DLGAP2: variants seen among roughly 807,000 people sequenced by gnomAD.
DLGAP2 encodes the protein disks large-associated protein 2.
DLGAP2 carries 26 observed loss-of-function variants against 100.3 expected under a neutral mutation model. The observed-to-expected ratio is 0.26, with a 90% confidence interval of 0.19 to 0.36. The LOEUF (loss-of-function observed/expected upper bound fraction) is 0.36. Among genes scored for constraint, DLGAP2 ranks in the 10% least tolerant of loss-of-function variants. DLGAP2 has a pLI of 1.00. For synonymous variants in DLGAP2, 886 were observed against 630.1 expected, an observed-to-expected ratio of 1.41 and a Z score of -6.08; for missense variants, 1,858 against 1,453.2, an observed-to-expected ratio of 1.28 and a Z score of -4.53.
intron 1 of DLGAP2, among the ~76,000 whole-genome samples, chr8:768,026 A>C (rs970571913): frequency 2.0e-5 from 3 of 152,222 alleles, no homozygotes; most frequent in African/African-American, 2.4e-5. Context: ...GACATGGTGG[A>C]GTGAAGGAAG....
chr8:1,695,325 C>T (rs1386830743), intron 13 of DLGAP2, among the ~76,000 whole-genome samples: 1 of 142,784 alleles, frequency 7.0e-6, no homozygotes, highest in African/African-American at 2.8e-5. Flanking sequence ...AAAGGGGGCA[C>T]AGCCATGCCC....
intron 3 of DLGAP2, among the ~76,000 whole-genome samples, chr8:1,260,752 T>C (rs908118419): frequency 6.6e-6 from 1 of 152,200 alleles, no homozygotes; most frequent in Non-Finnish European, 1.5e-5. Flanking sequence ...TCTGGGGACA[T>C]TCTAGGTCAT....
intron 1 of DLGAP2, among the ~76,000 whole-genome samples, chr8:845,152 T>C (rs1171639518): frequency 6.6e-6 from 1 of 152,224 alleles, no homozygotes; most frequent in Non-Finnish European, 1.5e-5. Context: ...TGCGTGAACA[T>C]ATGTCTTTAT....
chr8:1,320,354 G>C (rs527758714), intron 3 of DLGAP2, among the ~76,000 whole-genome samples: 5 of 152,084 alleles, frequency 3.3e-5, no homozygotes, highest in Admixed American at 3.3e-4. Context: ...CGAGGGAACC[G>C]TAGCGTCGCA....
intron 3 of DLGAP2, among the ~76,000 whole-genome samples, chr8:1,283,704 C>G (rs796075454): frequency 2.0e-5 from 3 of 152,246 alleles, no homozygotes; most frequent in African/African-American, 7.2e-5. Flanking sequence ...AATGTTCATG[C>G]CCTTTGGTCT....
intron 1 of DLGAP2, among the ~76,000 whole-genome samples, chr8:853,922 A>G (rs1797228069): frequency 6.6e-6 from 1 of 152,130 alleles, no homozygotes; most frequent in Non-Finnish European, 1.5e-5. Flanking sequence ...TCATGAAGTC[A>G]TGAGGGTGGG....
intron 3 of DLGAP2, among the ~76,000 whole-genome samples, chr8:1,364,810 A>G (rs1802072273): frequency 6.6e-6 from 1 of 152,198 alleles, no homozygotes; most frequent in Non-Finnish European, 1.5e-5. Context: ...CTGTGCATTT[A>G]CGTCGGAGTT....
intron 7 of DLGAP2, among the ~76,000 whole-genome samples, chr8:1,628,754 C>T (rs989778076): frequency 4.6e-5 from 7 of 151,928 alleles, no homozygotes; most frequent in East Asian, 1.9e-4. Context: ...TTCTCTCTGA[C>T]TTACTGTGGA....
intron 2 of DLGAP2, among the ~76,000 whole-genome samples, chr8:1,167,751 A>G (rs931206961): frequency 2.0e-5 from 3 of 152,208 alleles, no homozygotes; most frequent in Admixed American, 6.5e-5. Context: ...TCAGTTGACA[A>G]ACATTTGTTG....
chr8:962,324 A>G (rs2654020), intron 2 of DLGAP2, among the ~76,000 whole-genome samples: 2,893 of 152,282 alleles, frequency 0.019, 79 homozygotes, highest in African/African-American at 0.062. Context: ...AGAACACTGA[A>G]TACAATTAAA....
rs376920234 is a variant in DLGAP2 at position 1,668,331 on chromosome 8, G to A, written c.1813G>A (p.Val605Ile). 8.2e-5 allele frequency: 123 copies of A among 1,491,028 alleles called. No homozygotes were observed. In the Middle Eastern group the frequency reaches 3.8e-3, roughly 46 times the overall value. 92.4% of individuals were successfully genotyped at this position (1,491,028 alleles called of 1,614,324 possible). A position where few individuals can be genotyped will look rare whatever the true frequency, so the allele number is the denominator to read the frequency against. Residue 605 changes from valine to isoleucine, a missense_variant and splice_region_variant, in exon 9 of 15, where the codon GTC becomes ATC. Physicochemically the swap from Val to Ile is conservative, Grantham distance 29. Coordinates refer to ENST00000637795, the MANE Select transcript of DLGAP2 (RefSeq NM_001346810.2). ...ITSTIRSTAA[V>I]SYTNYKKTPP... is the part of the protein sequence containing the mutation. Reference sequence around the variant, plus strand: ...CTTGGGACTTTCTTTTCTTACAGCTGTCTCATATACAAATTACAAGAAAAC... The same window carrying A: ...CTTGGGACTTTCTTTTCTTACAGCTATCTCATATACAAATTACAAGAAAAC...
intron 1 of DLGAP2, among the ~76,000 whole-genome samples, chr8:861,946 A>C (rs1032823460): frequency 2.0e-5 from 3 of 152,198 alleles, no homozygotes; most frequent in Admixed American, 1.3e-4. Flanking sequence ...ATTCATTAGG[A>C]AATTATTTTA....
rs369474843 is a variant in DLGAP2 at position 905,915 on chromosome 8, A to G, written c.19-1997A>G. Among the ~76,000 whole-genome samples the G allele has an allele frequency of 2.5e-4, 38 of 152,024 alleles. 1 individual carries two copies. The South Asian group carries it at 6.7e-3, about 27-fold the overall frequency. On this transcript the variant is annotated intron_variant, in intron 1 of 14. Coordinates refer to ENST00000637795, the MANE Select transcript of DLGAP2 (RefSeq NM_001346810.2). The stretch of plus-strand genomic sequence containing the variant: ...ACGTGATAGAGACGTGGCTGAGACC[A>G]TGAAAGGGCAGCGATGGTGATAGAG...
chr8:842,664 T>C (rs1033415482), intron 1 of DLGAP2, among the ~76,000 whole-genome samples: 3 of 152,202 alleles, frequency 2.0e-5, no homozygotes, highest in African/African-American at 7.2e-5. Flanking sequence ...ATTTTCACTT[T>C]TAGAGATTCT....
At chr8:1,185,991 C>G (rs1797495618) in intron 2 of DLGAP2, among the ~76,000 whole-genome samples, 1 of 152,158 alleles carries the variant, frequency 6.6e-6, no homozygotes, top group Admixed American at 6.5e-5. Context: ...ATTAACCAGG[C>G]CAGCTTCCTT....
chr8:1,119,604 CCCA>C (rs1458648570), intron 2 of DLGAP2, among the ~76,000 whole-genome samples: 5 of 152,230 alleles, frequency 3.3e-5, no homozygotes, highest in Non-Finnish European at 7.3e-5. Flanking sequence ...TGGAACTGGT[CCCA>C]CCACAGCACA....
At chr8:1,512,124 G>C (rs1246460558) in intron 4 of DLGAP2, among the ~76,000 whole-genome samples, 1 of 152,212 alleles carries the variant, frequency 6.6e-6, no homozygotes, top group Non-Finnish European at 1.5e-5. Context: ...TAACGCGTCT[G>C]GTCCACAGTT....
At chr8:1,436,940 C>T (rs1584901528) in intron 3 of DLGAP2, among the ~76,000 whole-genome samples, 1 of 152,248 alleles carries the variant, frequency 6.6e-6, no homozygotes, top group South Asian at 2.1e-4. Flanking sequence ...GTCTTCAGTG[C>T]AGTCACACGC....
chr8:1,588,266 C>T (rs943888159), intron 6 of DLGAP2, among the ~76,000 whole-genome samples: 3 of 152,092 alleles, frequency 2.0e-5, no homozygotes, highest in East Asian at 1.9e-4. Flanking sequence ...ATTGAAGGTG[C>T]GACCTTCGAG....
Sources: gnomAD v4.1 joint callset for allele counts (sites outside exome capture counted in the v4.1 genomes callset) on GRCh38, gnomAD v4.1.1 for gene constraint, MANE v1.5 for transcripts, NCBI Gene and HGNC (gene_info 2026-07-23, HGNC 2026-07-21) for gene names.